ANKRD30A: variants seen among roughly 807,000 people sequenced by gnomAD.
ANKRD30A encodes the protein ankyrin repeat domain-containing protein 30A.
Under a neutral mutation model 166.3 loss-of-function variants are expected in ANKRD30A, and 170 were observed. The ratio of observed to expected loss-of-function variants is 1.02; its 90% confidence interval spans 0.90 to 1.16. The LOEUF (loss-of-function observed/expected upper bound fraction) is 1.16, where lower values mean the gene tolerates loss of function less well. Ranked by LOEUF, ANKRD30A falls within the 50% of genes most tolerant of loss-of-function variation. The pLI, the probability that ANKRD30A is intolerant of heterozygous loss-of-function variation, is 0.00. For missense variants in ANKRD30A, 1,630 were observed against 1,518.0 expected (o/e 1.07, Z -1.23); for synonymous variants, 564 against 508.9 (o/e 1.11, Z -1.46).
intron 15 of ANKRD30A, among the ~76,000 whole-genome samples, chr10:37,162,167 G>T (rs1356224910): frequency 2.6e-5 from 4 of 152,100 alleles, no homozygotes; most frequent in Admixed American, 6.6e-5. Flanking sequence ...TTCATATTTA[G>T]TGTTATGACC....
At position 37,133,967 on chromosome 10, in the gene ANKRD30A, G is replaced by A; in HGVS notation, c.669G>A (p.Met223Ile). 6.2e-7 allele frequency: 1 copy of A among 1,614,106 alleles called. No individual in the cohort carries two copies. Among genetic ancestry groups the A allele is most frequent in the Non-Finnish European group, 8.5e-7 (1 of 1,179,972 alleles). ...VCHGSSEIVG[M>I]LLQQNVDVFA... ...ATGGATCATCAGAGATAGTTGGCAT[G>A]CTTCTTCAGCAAAATGTTGACGTCT... is the stretch of plus-strand genomic sequence containing the variant. The change falls in exon 5 of 36, where the codon ATG becomes ATA. Residue 223 changes from methionine to isoleucine, a missense_variant. Around this residue, in one of 4 missense-constraint regions of ANKRD30A, gnomAD observed 904 missense variants for 818.5 expected, o/e 1.10. Coordinates refer to ENST00000361713, the MANE Select transcript of ANKRD30A (RefSeq NM_052997.3).
At chr10:37,156,489 A>G (rs563917810) in intron 13 of ANKRD30A, among the ~76,000 whole-genome samples, 3 of 152,342 alleles carry the variant, frequency 2.0e-5, no homozygotes, top group Non-Finnish European at 4.4e-5. Flanking sequence ...CTTACATAGG[A>G]TTCTTAAGTG....
chr10:37,219,772 A>G lies in ANKRD30A; in HGVS notation c.4060A>G (p.Ile1354Val), dbSNP rs1055473814. 1.9e-6 allele frequency: 3 copies of G among 1,608,324 alleles called. No individual in the cohort carries two copies. The highest frequency in any genetic ancestry group is 2.5e-6 in the Non-Finnish European group (3 of 1,176,566). The stretch of plus-strand genomic sequence containing the variant: ...CAACAAAAGCAAGATAACAATTGAT[A>G]TTCATTTTCTTGAGAGGAAAATGCA... ...ADNKSKITID[I>V]HFLERKMQHH... The change falls in exon 34 of 36, where the codon ATT (isoleucine) becomes GTT (valine). Residue 1354 changes from isoleucine to valine, a missense_variant. Coordinates refer to ENST00000361713, the MANE Select transcript of ANKRD30A (RefSeq NM_052997.3).
intron 30 of ANKRD30A, among the ~76,000 whole-genome samples, chr10:37,200,854 A>G (rs1035478458): frequency 6.6e-6 from 1 of 152,098 alleles, no homozygotes; most frequent in African/African-American, 2.4e-5. Flanking sequence ...TTAATGCAGT[A>G]TCTGTTATGG....
At chr10:37,207,697 G>A (rs558639709) in intron 31 of ANKRD30A, among the ~76,000 whole-genome samples, 220 of 151,572 alleles carry the variant, frequency 1.5e-3, no homozygotes, top group African/African-American at 5.0e-3. Context: ...TGGTGCATTA[G>A]AAAGAGACTA....
chr10:37,252,266 C>T, the ANKRD30A span, among the ~76,000 whole-genome samples: 31 of 152,186 alleles, frequency 2.0e-4, no homozygotes, highest in African/African-American at 9.6e-5. Flanking sequence ...CCATGGAAAC[C>T]GATTCCTCAT....
chr10:37,260,442 C>T, the ANKRD30A span, among the ~76,000 whole-genome samples: 1 of 152,142 alleles, frequency 6.6e-6, no homozygotes, highest in East Asian at 1.9e-4. Context: ...CCTAGTGTAA[C>T]TCTTACCTTA....
At chr10:37,202,937 G>A (rs1841740571) in intron 31 of ANKRD30A, among the ~76,000 whole-genome samples, 2 of 151,862 alleles carry the variant, frequency 1.3e-5, no homozygotes, top group South Asian at 4.2e-4. Context: ...GACTAAACCA[G>A]GAAGGAGAAT....
At chr10:37,263,287 A>G in the ANKRD30A span, among the ~76,000 whole-genome samples, 1 of 151,824 alleles carries the variant, frequency 6.6e-6, no homozygotes, top group Non-Finnish European at 1.5e-5. Flanking sequence ...GGCACCAGAG[A>G]CTGGTTTCAT....
the ANKRD30A span, among the ~76,000 whole-genome samples, chr10:37,245,804 GTA>G: frequency 6.6e-6 from 1 of 152,118 alleles, no homozygotes; most frequent in East Asian, 1.9e-4. Flanking sequence ...CTGGCAAAAT[GTA>G]TGTTTTTATG....
chr10:37,159,457 G>A (rs926530749), intron 15 of ANKRD30A, among the ~76,000 whole-genome samples: 1 of 152,108 alleles, frequency 6.6e-6, no homozygotes, highest in African/African-American at 2.4e-5. Context: ...GGCAAAAGTT[G>A]CAGTGAGCCG....
At chr10:37,222,230 C>T (rs1842931564) in intron 34 of ANKRD30A, among the ~76,000 whole-genome samples, 1 of 151,212 alleles carries the variant, frequency 6.6e-6, no homozygotes, top group African/African-American at 2.4e-5. Context: ...AGAAACTTCA[C>T]ATCTCTTAGT....
At chr10:37,214,020 C>A (rs1842478995) in intron 31 of ANKRD30A, among the ~76,000 whole-genome samples, 1 of 151,532 alleles carries the variant, frequency 6.6e-6, no homozygotes, top group African/African-American at 2.4e-5. Context: ...AAATTTTAGA[C>A]CACACTTGGG....
At chr10:37,167,110 G>T (rs1374610956) in intron 19 of ANKRD30A, among the ~76,000 whole-genome samples, 1 of 151,824 alleles carries the variant, frequency 6.6e-6, no homozygotes, top group Non-Finnish European at 1.5e-5. Flanking sequence ...CCAGCTAGAT[G>T]ATTTTGGATT....
chr10:37,201,280 G>C lies in ANKRD30A; in HGVS notation c.2824G>C (p.Ala942Pro). 1 of 1,595,068 alleles carries C rather than the reference G, an allele frequency of 6.3e-7. No individual in the cohort carries two copies. The highest frequency in any genetic ancestry group is 8.5e-7 in the Non-Finnish European group (1 of 1,172,078). The stretch of plus-strand genomic sequence containing the variant: ...ACAGAAGGATGTGTGTGTACCCAAG[G>C]CTACACATCAAAAAGAAATGGATAA... ...VSQKDVCVPKATHQKEMDKIS... is the reference protein window; with the variant it reads ...VSQKDVCVPKPTHQKEMDKIS... Residue 942 changes from alanine to proline, a missense_variant, in exon 31 of 36, where the codon GCT (alanine) becomes CCT (proline). Physicochemically the swap from Ala to Pro is conservative, Grantham distance 27. Around this residue, in one of 4 missense-constraint regions of ANKRD30A, gnomAD observed 712 missense variants for 629.3 expected, o/e 1.13. Transcript: ENST00000361713.
chr10:37,254,185 G>A, the ANKRD30A span, among the ~76,000 whole-genome samples: 3 of 152,096 alleles, frequency 2.0e-5, no homozygotes, highest in Admixed American at 1.3e-4. Context: ...TTAGGACCAA[G>A]CTTTTGTATG....
chr10:37,191,880 A>G (rs1345668604), intron 25 of ANKRD30A, among the ~76,000 whole-genome samples: 1 of 151,970 alleles, frequency 6.6e-6, no homozygotes. Context: ...CTGTAGTCCC[A>G]GCTACTCCGG....
At chr10:37,159,198 CTG>C (rs1322465224) in intron 15 of ANKRD30A, among the ~76,000 whole-genome samples, 1 of 152,122 alleles carries the variant, frequency 6.6e-6, no homozygotes, top group Non-Finnish European at 1.5e-5. Context: ...TTAGTTTTTG[CTG>C]TCATTCCCAT....
intron 31 of ANKRD30A, among the ~76,000 whole-genome samples, chr10:37,215,404 G>A (rs1158559363): frequency 6.6e-6 from 1 of 151,282 alleles, no homozygotes; most frequent in Non-Finnish European, 1.5e-5. Context: ...TAGTAGGAGG[G>A]GTTTCCAGGG....
Sources: gnomAD v4.1 joint callset for allele counts (sites outside exome capture counted in the v4.1 genomes callset) on GRCh38, gnomAD v4.1.1 for gene constraint, gnomAD v4.1.1 regional missense constraint, MANE v1.5 for transcripts, NCBI Gene and HGNC (gene_info 2026-07-23, HGNC 2026-07-21) for gene names.